The following AGMO variants were observed in gnomAD, a reference collection of about 807,000 sequenced individuals.
The protein encoded by AGMO is glyceryl-ether monooxygenase.
AGMO carries 75 observed loss-of-function variants against 60.2 expected under a neutral mutation model. The ratio of observed to expected loss-of-function variants is 1.25; its 90% CI spans 1.03 to 1.51. The LOEUF (loss-of-function observed/expected upper bound fraction) is 1.51. Among genes scored for constraint, AGMO ranks in the 40% most tolerant of loss-of-function variants. AGMO has a pLI of 0.00. For missense variants in AGMO, 763 were observed against 525.5 expected, an observed-to-expected ratio of 1.45 and a Z score of -4.42; for synonymous variants, 261 against 177.1, an observed-to-expected ratio of 1.47 and a Z score of -3.76.
At chr7:15,542,526 C>T (rs1308733829) in intron 3 of AGMO, among the ~76,000 whole-genome samples, 2 of 152,048 alleles carry the variant, frequency 1.3e-5, no homozygotes, top group Non-Finnish European at 2.9e-5. Flanking sequence ...CAGGAGTAAA[C>T]AAATTTGCAG....
chr7:15,237,642 A>G (rs1342057437), intron 12 of AGMO, among the ~76,000 whole-genome samples: 1 of 152,100 alleles, frequency 6.6e-6, no homozygotes, highest in African/African-American at 2.4e-5. Flanking sequence ...TAGAATGAAC[A>G]TTTCCCTTGT....
At chr7:15,555,151 G>C (rs1785092034) in intron 2 of AGMO, among the ~76,000 whole-genome samples, 1 of 151,102 alleles carries the variant, frequency 6.6e-6, no homozygotes, top group African/African-American at 2.4e-5. Flanking sequence ...AAAAAAATTA[G>C]ATATTTTTAT....
At chr7:15,260,546 T>C (rs1783237792) in intron 12 of AGMO, among the ~76,000 whole-genome samples, 1 of 152,070 alleles carries the variant, frequency 6.6e-6, no homozygotes, top group South Asian at 2.1e-4. Flanking sequence ...AGAAATGAGA[T>C]AGACAGCAAC....
chr7:15,390,878 T>C lies in AGMO; in HGVS notation c.704A>G (p.Asn235Ser), dbSNP rs753497320. Reference sequence around the variant, plus strand: ...CCAAATAATAAGAACACCAGCATAATTTTTGTCTATGCAATAACGATTTCT... The same window carrying C: ...CCAAATAATAAGAACACCAGCATAACTTTTGTCTATGCAATAACGATTTCT... Reference protein sequence around the residue: ...HGRNRYCIDKNYAGVLIIWDK... With the variant: ...HGRNRYCIDKSYAGVLIIWDK... Residue 235 changes from asparagine to serine, a missense_variant, in exon 7 of 13, where the codon AAT (asparagine) becomes AGT (serine). Transcript: ENST00000342526. 4.4e-6 allele frequency: 7 copies of C among 1,603,744 alleles called. No individual in the cohort carries two copies. Among genetic ancestry groups the C allele is most frequent in the Non-Finnish European group, 6.0e-6 (7 of 1,174,534 alleles).
intron 5 of AGMO, among the ~76,000 whole-genome samples, chr7:15,408,916 A>G (rs1197175682): frequency 1.3e-5 from 2 of 151,844 alleles, no homozygotes; most frequent in Non-Finnish European, 2.9e-5. Flanking sequence ...GGAAGGGAGA[A>G]TTTGAGTTGG....
intron 12 of AGMO, among the ~76,000 whole-genome samples, chr7:15,292,243 G>A (rs1784285231): frequency 1.3e-5 from 2 of 152,152 alleles, no homozygotes; most frequent in Non-Finnish European, 2.9e-5. Flanking sequence ...AGCTGCAAAA[G>A]TATAATGGCC....
intron 8 of AGMO, among the ~76,000 whole-genome samples, chr7:15,390,140 C>G (rs1784078039): frequency 6.6e-6 from 1 of 152,122 alleles, no homozygotes; most frequent in Admixed American, 6.5e-5. Flanking sequence ...ACCATCGAGA[C>G]CAATGAACAA....
At chr7:15,272,896 G>A (rs963471877) in intron 12 of AGMO, among the ~76,000 whole-genome samples, 1 of 152,124 alleles carries the variant, frequency 6.6e-6, no homozygotes, top group African/African-American at 2.4e-5. Flanking sequence ...GTGATGATGA[G>A]CATTTTTTCA....
intron 12 of AGMO, among the ~76,000 whole-genome samples, chr7:15,212,281 CACACA>C (rs1781615871): frequency 6.9e-6 from 1 of 143,932 alleles, no homozygotes; most frequent in African/African-American, 2.7e-5. Flanking sequence ...CACACACACA[CACACA>C]CAAATAGCAT....
intron 12 of AGMO, among the ~76,000 whole-genome samples, chr7:15,360,630 G>A (rs929050176): frequency 5.9e-5 from 9 of 152,058 alleles, no homozygotes; most frequent in African/African-American, 2.2e-4. Flanking sequence ...AGGAGTGGCA[G>A]AGGTTGGAGG....
At chr7:15,511,123 C>T (rs1783660592) in intron 3 of AGMO, among the ~76,000 whole-genome samples, 3 of 152,000 alleles carry the variant, frequency 2.0e-5, no homozygotes, top group Admixed American at 2.0e-4. Flanking sequence ...AGTTCAGTAT[C>T]ATGGGTGGTT....
intron 2 of AGMO, among the ~76,000 whole-genome samples, chr7:15,550,576 A>G (rs1477965948): frequency 1.3e-5 from 2 of 151,854 alleles, no homozygotes; most frequent in African/African-American, 4.8e-5. Context: ...GAAGAAATGG[A>G]TAAATTCCTT....
chr7:15,129,183 G>A, the AGMO span, among the ~76,000 whole-genome samples: 1 of 152,112 alleles, frequency 6.6e-6, no homozygotes, highest in Non-Finnish European at 1.5e-5. Flanking sequence ...CTACATAAGT[G>A]TGGTTTGACT....
intron 12 of AGMO, among the ~76,000 whole-genome samples, chr7:15,305,895 A>C (rs970800246): frequency 2.6e-5 from 4 of 152,000 alleles, no homozygotes; most frequent in African/African-American, 9.7e-5. Flanking sequence ...CTAAAAGAAC[A>C]AATCTTTTTT....
At chr7:15,445,955 A>T (rs564801153) in intron 3 of AGMO, among the ~76,000 whole-genome samples, 6 of 152,346 alleles carry the variant, frequency 3.9e-5, no homozygotes, top group Admixed American at 1.3e-4. Context: ...TAATTGAAAA[A>T]ATAACAATTT....
chr7:15,384,110 G>C (rs993672189), intron 10 of AGMO, among the ~76,000 whole-genome samples: 4 of 151,912 alleles, frequency 2.6e-5, no homozygotes, highest in Non-Finnish European at 5.9e-5. Context: ...ACTTATTTTT[G>C]TATTTTTCAG....
chr7:15,233,795 T>A (rs897963172), intron 12 of AGMO, among the ~76,000 whole-genome samples: 1 of 152,162 alleles, frequency 6.6e-6, no homozygotes, highest in African/African-American at 2.4e-5. Flanking sequence ...CTCACACCTG[T>A]AATCCCAGCA....
intron 12 of AGMO, among the ~76,000 whole-genome samples, chr7:15,320,036 T>A (rs570422344): frequency 2.0e-4 from 31 of 151,752 alleles, no homozygotes; most frequent in Admixed American, 1.3e-3. Context: ...CGCATGTTGT[T>A]CTCACTCATA....
intron 12 of AGMO, among the ~76,000 whole-genome samples, chr7:15,332,541 G>A (rs1395856579): frequency 6.6e-6 from 1 of 151,962 alleles, no homozygotes; most frequent in Non-Finnish European, 1.5e-5. Flanking sequence ...GCCCAACATG[G>A]CTACAGCTTC....
Sources: allele counts gnomAD v4.1 joint callset (sites outside exome capture counted in the v4.1 genomes callset), GRCh38; gene constraint gnomAD v4.1.1; transcripts MANE v1.5; gene names NCBI Gene and HGNC (gene_info 2026-07-23, HGNC 2026-07-21).